Variants in DNAJC10 observed in about 807,000 individuals in gnomAD.
The protein encoded by DNAJC10 is DnaJ heat shock protein family (Hsp40) member C10.
DNAJC10 carries 101 observed loss-of-function variants against 115.0 expected under a neutral mutation model. The observed-to-expected ratio is 0.88, with a 90% CI of 0.75 to 1.04. The LOEUF (loss-of-function observed/expected upper bound fraction) is 1.04, where lower values mean the gene tolerates loss of function less well. Ranked by LOEUF, DNAJC10 falls within the 50% of genes least tolerant of loss-of-function variation. The pLI, the probability that DNAJC10 is intolerant of heterozygous loss-of-function variation, is 0.00. For synonymous variants in DNAJC10, 307 were observed against 301.5 expected (o/e 1.02, Z -0.19); for missense variants, 981 against 928.8 (o/e 1.06, Z -0.73).
chr2:182,758,422 A>C (rs558655531), intron 19 of DNAJC10, among the ~76,000 whole-genome samples: 169 of 152,288 alleles, frequency 1.1e-3, no homozygotes, highest in Non-Finnish European at 2.1e-3. Context: ...ATTTCAAGAG[A>C]GGAAAGGGTC....
In DNAJC10 at chr2:182,721,909, G is replaced by A. The variant is rs527866905; in HGVS notation, c.368-116G>A. The A allele has an allele frequency of 4.0e-4, 222 of 553,856 alleles. 2 individuals carry two copies. The African/African-American group carries it at 4.1e-3, about 10-fold the overall frequency. 34.3% of individuals were successfully genotyped at this position (553,856 alleles called of 1,614,324 possible). A position where few individuals can be genotyped will look rare whatever the true frequency, so the allele number is the denominator to read the frequency against. On this transcript the variant is annotated intron_variant, in intron 4 of 23. Transcript: ENST00000264065. ...AGGATGTTGCATATTCTCTAAGTTT[G>A]AGATATAATATAGTAGTTTGATTTT...
intron 11 of DNAJC10, among the ~76,000 whole-genome samples, chr2:182,736,712 A>G (rs2105636812): frequency 6.6e-6 from 1 of 152,280 alleles, no homozygotes; most frequent in Non-Finnish European, 1.5e-5. Flanking sequence ...ACGAAAGAGC[A>G]TTTATAGCAT....
At chr2:182,724,400 A>G (rs966355878) in intron 5 of DNAJC10, among the ~76,000 whole-genome samples, 1 of 152,232 alleles carries the variant, frequency 6.6e-6, no homozygotes, top group Non-Finnish European at 1.5e-5. Context: ...CACATTCAAG[A>G]TAAAAAGGCG....
chr2:182,771,051 C>T (rs1416167567), intron 22 of DNAJC10, among the ~76,000 whole-genome samples: 1 of 152,156 alleles, frequency 6.6e-6, no homozygotes, highest in Non-Finnish European at 1.5e-5. Flanking sequence ...TTTTCTGCAT[C>T]TATTGAGATA....
chr2:182,729,695 C>G (rs1693391028), intron 7 of DNAJC10, 153 bp from the exon 8 acceptor site: 1 of 464,312 alleles, frequency 2.2e-6, no homozygotes, highest in Admixed American at 4.1e-5. Flanking sequence ...TCAAGATTAT[C>G]AGGATATCAT....
chr2:182,719,401 G>GCGT (rs1191764369), intron 3 of DNAJC10, among the ~76,000 whole-genome samples: 1 of 151,760 alleles, frequency 6.6e-6, no homozygotes, highest in Non-Finnish European at 1.5e-5. Flanking sequence ...TTACAGGCGT[G>GCGT]CGTCACTACT....
At chr2:182,762,536 TG>T in intron 21 of DNAJC10, 145 bp from the exon 22 acceptor site, 1 of 805,404 alleles carries the variant, frequency 1.2e-6, no homozygotes, top group Non-Finnish European at 1.9e-6. Flanking sequence ...AAAGGGATAA[TG>T]TGGAAATAAT....
chr2:182,730,319 C>T (rs1250412653), intron 8 of DNAJC10, among the ~76,000 whole-genome samples: 1 of 152,144 alleles, frequency 6.6e-6, no homozygotes, highest in African/African-American at 2.4e-5. Flanking sequence ...TAATCTTAGG[C>T]TTTTAACTCA....
At chr2:182,767,169 T>G (rs539767447) in intron 22 of DNAJC10, among the ~76,000 whole-genome samples, 1 of 152,254 alleles carries the variant, frequency 6.6e-6, no homozygotes, top group South Asian at 2.1e-4. Context: ...TAATGGGCGA[T>G]CTGGTGGGTA....
At chr2:182,768,357 C>G (rs1269236381) in intron 22 of DNAJC10, among the ~76,000 whole-genome samples, 1 of 152,044 alleles carries the variant, frequency 6.6e-6, no homozygotes, top group Non-Finnish European at 1.5e-5. Flanking sequence ...ATTTAATGAG[C>G]AGTTACAAGA....
chr2:182,753,302 A>G (rs985920184), intron 16 of DNAJC10, among the ~76,000 whole-genome samples: 8 of 152,154 alleles, frequency 5.3e-5, no homozygotes, highest in African/African-American at 1.7e-4. Flanking sequence ...AAATGTTTTT[A>G]AAGAACATAG....
At chr2:182,771,157 G>C (rs1183905853) in intron 22 of DNAJC10, among the ~76,000 whole-genome samples, 1 of 152,100 alleles carries the variant, frequency 6.6e-6, no homozygotes, top group Non-Finnish European at 1.5e-5. Context: ...GGATGAAGCT[G>C]ACTTGATCTT....
intron 22 of DNAJC10, among the ~76,000 whole-genome samples, chr2:182,766,069 C>T (rs1428990727): frequency 6.6e-6 from 1 of 152,138 alleles, no homozygotes; most frequent in Admixed American, 6.5e-5. Context: ...AGGCACCAGA[C>T]CTTGTAGGTT....
rs1463750177 is a variant in DNAJC10, at chr2:182,747,921, G to T, written c.1307-3737G>T. Reference sequence around the variant, plus strand: ...TATGTCCCATCAATACCTAATTTATGGAGAGTTTTTAGCATGAAGGGTTGT... The same window carrying T: ...TATGTCCCATCAATACCTAATTTATTGAGAGTTTTTAGCATGAAGGGTTGT... On this transcript the variant is annotated intron_variant, in intron 14 of 23. Transcript: ENST00000264065. Among the ~76,000 whole-genome samples, 274 of 151,328 alleles carry T rather than the reference G, an allele frequency of 1.8e-3. 1 individual carries two copies. Among genetic ancestry groups the T allele is most frequent in the African/African-American group, 6.5e-3 (263 of 40,768 alleles).
intron 22 of DNAJC10, among the ~76,000 whole-genome samples, chr2:182,773,743 A>C (rs1198821980): frequency 2.0e-5 from 3 of 152,118 alleles, no homozygotes; most frequent in Admixed American, 1.3e-4. Context: ...TCTTTTTTCA[A>C]GGTTTTTAGC....
At chr2:182,725,048 T>C (rs1019796528) in intron 5 of DNAJC10, among the ~76,000 whole-genome samples, 3 of 152,204 alleles carry the variant, frequency 2.0e-5, no homozygotes, top group Admixed American at 6.5e-5. Context: ...TGTGCTCATT[T>C]CATGTCTCTT....
intron 22 of DNAJC10, among the ~76,000 whole-genome samples, chr2:182,770,341 A>G (rs989308450): frequency 6.6e-6 from 1 of 152,164 alleles, no homozygotes; most frequent in Non-Finnish European, 1.5e-5. Flanking sequence ...GTTTTTTTCA[A>G]TTCTGTAAGG....
chr2:182,757,599 T>C (rs1662962468), intron 18 of DNAJC10, 93 bp from the exon 19 acceptor site: 9 of 868,394 alleles, frequency 1.0e-5, no homozygotes, highest in Non-Finnish European at 9.5e-6. Flanking sequence ...ATAAATAATA[T>C]AATAACTGTT....
chr2:182,793,846 A>G lies in DNAJC10; in HGVS notation c.*16714A>G, dbSNP rs866582442. The stretch of plus-strand genomic sequence containing the variant: ...CACACACACACACACACACACACAC[A>G]CACACACACACACACACACTACCTA... On this transcript the variant is annotated 3_prime_UTR_variant, in exon 24 of 24. Transcript: ENST00000264065. 8 of 149,488 alleles carry G rather than the reference A, an allele frequency of 5.4e-5. No homozygotes were observed. The highest frequency in any genetic ancestry group is 1.0e-4 in the Non-Finnish European group (7 of 66,816). The allele number at this position is 149,488 out of a possible 1,614,324, so 9.3% of individuals were successfully genotyped here.
Sources: gnomAD v4.1 joint callset for allele counts (sites outside exome capture counted in the v4.1 genomes callset) on GRCh38, gnomAD v4.1.1 for gene constraint, MANE v1.5 for transcripts, NCBI Gene and HGNC (gene_info 2026-07-23, HGNC 2026-07-21) for gene names.